Variants in MRPS14 observed in about 807,000 individuals in gnomAD.
MRPS14 encodes mitochondrial ribosomal protein S14.
Under a neutral mutation model 16.4 loss-of-function variants are expected in MRPS14, and 14 were observed. The ratio of observed to expected loss-of-function variants is 0.85; its 90% CI spans 0.56 to 1.33. The LOEUF is 1.33. Ranked by LOEUF, MRPS14 falls within the 40% of genes most tolerant of loss-of-function variation. MRPS14 has a pLI of 0.00. For missense variants in MRPS14, 162 were observed against 176.8 expected (o/e 0.92, Z 0.48); for synonymous variants, 54 against 61.9 (o/e 0.87, Z 0.60).
In MRPS14 at chr1:175,019,374, C is replaced by T. The variant is rs564067644; in HGVS notation, c.46-798G>A. On this transcript the variant is annotated intron_variant, in intron 1 of 2. Coordinates refer to ENST00000476371, the MANE Select transcript of MRPS14 (RefSeq NM_022100.3). ...TTGGCTCACTGCAACCTATACCTCC[C>T]GGGTTCAAGCAATTCTCATGCCTCA... is the stretch of plus-strand genomic sequence containing the variant. Among the ~76,000 whole-genome samples the T allele has an allele frequency of 5.3e-5, 8 of 152,216 alleles. No individual in the cohort carries two copies. In the East Asian group the frequency reaches 1.4e-3, roughly 26 times the overall value.
At chr1:175,014,935 T>TTTA in intron 2 of MRPS14, 84 bp from the exon 3 acceptor site, 1 of 933,114 alleles carries the variant, frequency 1.1e-6, no homozygotes, top group Non-Finnish European at 1.5e-6. Flanking sequence ...GTAATTTTCT[T>TTTA]TTCTTTTTTT....
At chr1:175,015,123 A>G (rs533126075) in intron 2 of MRPS14, among the ~76,000 whole-genome samples, 4 of 151,752 alleles carry the variant, frequency 2.6e-5, no homozygotes, top group African/African-American at 9.7e-5. Context: ...AATTTTTTGT[A>G]TTATTAGTAG....
rs988877906 is a variant in MRPS14, at chr1:175,013,061, T to G, written c.*1608A>C. The stretch of plus-strand genomic sequence containing the variant: ...AGTATAAACTACTTGCAAGTAACTT[T>G]AGAACACAAGTGTTTGCCCATTGGT... On this transcript the variant is annotated 3_prime_UTR_variant, in exon 3 of 3. Coordinates refer to ENST00000476371, the MANE Select transcript of MRPS14 (RefSeq NM_022100.3). The G allele has an allele frequency of 1.3e-5, 2 of 152,268 alleles. No individual in the cohort carries two copies. Among genetic ancestry groups the G allele is most frequent in the African/African-American group, 2.4e-5 (1 of 41,472 alleles). 9.4% of individuals were successfully genotyped at this position (152,268 alleles called of 1,614,324 possible).
chr1:175,013,431 G>A lies in MRPS14; in HGVS notation c.*1238C>T, dbSNP rs931760673. ...CCCAGAGAACCATCTTTACCTCTTA[G>A]ATATAATCAGTCTTGTAAGTCTTGC... is the stretch of plus-strand genomic sequence containing the variant. On this transcript the variant is annotated 3_prime_UTR_variant, in exon 3 of 3. Transcript: ENST00000476371. The A allele has an allele frequency of 6.6e-6, 1 of 152,276 alleles. No homozygotes were observed. Among genetic ancestry groups the A allele is most frequent in the Admixed American group, 6.5e-5 (1 of 15,282 alleles). 9.4% of individuals were successfully genotyped at this position (152,276 alleles called of 1,614,324 possible). A position where few individuals can be genotyped will look rare whatever the true frequency, so the allele number is the denominator to read the frequency against.
chr1:175,017,103 G>A (rs531142682), intron 2 of MRPS14, among the ~76,000 whole-genome samples: 1 of 151,948 alleles, frequency 6.6e-6, no homozygotes, highest in South Asian at 2.1e-4. Context: ...CACCTAGGCT[G>A]GAGCGTACTG....
chr1:175,022,418 G>A (rs1672994061), intron 1 of MRPS14: 1 of 148,786 alleles, frequency 6.7e-6, no homozygotes, highest in African/African-American at 2.5e-5. Context: ...CAAACTTCAT[G>A]CACAAGACCC....
chr1:175,019,233 G>A (rs994560937), intron 1 of MRPS14, among the ~76,000 whole-genome samples: 6 of 152,070 alleles, frequency 3.9e-5, no homozygotes, highest in African/African-American at 1.2e-4. Context: ...TAATGTCTTG[G>A]AAATCATTTC....
intron 1 of MRPS14, among the ~76,000 whole-genome samples, chr1:175,020,930 T>C (rs1217649734): frequency 1.3e-5 from 2 of 152,162 alleles, no homozygotes; most frequent in African/African-American, 4.8e-5. Flanking sequence ...CTCACCCCTC[T>C]TCAGCTCCTA....
rs138126459 is a variant in MRPS14 at position 175,019,619 on chromosome 1, C to T, written c.46-1043G>A. Among the ~76,000 whole-genome samples, 1,408 of 152,214 alleles carry T rather than the reference C, an allele frequency of 9.3e-3. 8 individuals are homozygous for T. The highest frequency in any genetic ancestry group is 0.034 in the Middle Eastern group (10 of 294). ...TGAGGATAGATTATTGGGAGCAAAA[C>T]TGCTAGGTCAAAGGGTACTTTAAAA... On this transcript the variant is annotated intron_variant, in intron 1 of 2. Transcript: ENST00000476371.
chr1:175,020,442 G>A (rs1169751555), intron 1 of MRPS14, among the ~76,000 whole-genome samples: 2 of 152,128 alleles, frequency 1.3e-5, no homozygotes, highest in African/African-American at 2.4e-5. Flanking sequence ...ACTTCTATTA[G>A]TTTTTAAAAA....
chr1:175,017,835 T>C (rs1305522236), intron 2 of MRPS14, among the ~76,000 whole-genome samples: 3 of 152,036 alleles, frequency 2.0e-5, no homozygotes, highest in African/African-American at 7.2e-5. Flanking sequence ...AGTTAAAAGA[T>C]TGGGATGCGG....
intron 2 of MRPS14, 71 bp downstream of exon 2, chr1:175,018,347 C>T: frequency 7.4e-7 from 1 of 1,348,488 alleles, no homozygotes; most frequent in Non-Finnish European, 1.0e-6. Context: ...TCACAACAAA[C>T]AGTATCAAAA....
In MRPS14 at chr1:175,013,997, T is replaced by C. The variant is rs1438692021; in HGVS notation, c.*672A>G. The C allele has an allele frequency of 6.6e-6, 1 of 152,266 alleles. No homozygotes were observed. Among genetic ancestry groups the C allele is most frequent in the Non-Finnish European group, 1.5e-5 (1 of 68,056 alleles). 9.4% of individuals were successfully genotyped at this position (152,266 alleles called of 1,614,324 possible). A position where few individuals can be genotyped will look rare whatever the true frequency, so the allele number is the denominator to read the frequency against. ...TTTGTGCTACCCTTACTCATTTCTG[T>C]TATGGATTAAATAAACATAAAAATA... On this transcript the variant is annotated 3_prime_UTR_variant, in exon 3 of 3. Transcript: ENST00000476371.
In MRPS14 at chr1:175,018,464, C is replaced by T. The variant is rs199698673; in HGVS notation, c.158G>A (p.Arg53His). The part of the protein sequence containing the change: ...MAYEYADERL[R>H]INSLRKNTIL... ...GGTATTCTTCCTGAGTGAATTAATA[C>T]GTAGCCTCTCATCTGCGTATTCATA... The change falls in exon 2 of 3, where the codon CGT (arginine) becomes CAT (histidine). Residue 53 changes from arginine (R) to histidine (H), a missense_variant. By Grantham distance (29) the Arg-to-His change is conservative. Coordinates refer to ENST00000476371, the MANE Select transcript of MRPS14 (RefSeq NM_022100.3). 23 of 1,611,186 alleles carry T rather than the reference C, an allele frequency of 1.4e-5. No individual in the cohort carries two copies. Among genetic ancestry groups the T allele is most frequent in the Admixed American group, 6.8e-5 (4 of 58,954 alleles).
rs1005962675 is a variant in MRPS14, at chr1:175,013,706, T to A, written c.*963A>T. On this transcript the variant is annotated 3_prime_UTR_variant, in exon 3 of 3. Transcript: ENST00000476371. ...GTCAGTCTTAATTCCTTCACATGAT[T>A]TGTGAGATCCTCCACAATACGGGCC... is the stretch of plus-strand genomic sequence containing the variant. The A allele has an allele frequency of 6.6e-6, 1 of 152,206 alleles. No individual in the cohort carries two copies. Among genetic ancestry groups the A allele is most frequent in the African/African-American group, 2.4e-5 (1 of 41,444 alleles). 9.4% of individuals were successfully genotyped at this position (152,206 alleles called of 1,614,324 possible).
At chr1:175,014,890 T>A in intron 2 of MRPS14, 39 bp from the exon 3 acceptor site, 2 of 1,572,370 alleles carry the variant, frequency 1.3e-6, no homozygotes, top group Non-Finnish European at 1.7e-6. Flanking sequence ...CACATTACAT[T>A]GTTGCACATG....
chr1:175,015,728 C>T (rs1447946750), intron 2 of MRPS14, among the ~76,000 whole-genome samples: 2 of 152,118 alleles, frequency 1.3e-5, no homozygotes, highest in Non-Finnish European at 2.9e-5. Flanking sequence ...TGTGAGTGTT[C>T]ATAATATTCA....
chr1:175,023,051 C>T (rs960916532), intron 1 of MRPS14, among the ~76,000 whole-genome samples: 11 of 152,200 alleles, frequency 7.2e-5, no homozygotes, highest in African/African-American at 2.4e-5. Flanking sequence ...CTCCCTTGCA[C>T]GGTTCTCATC....
Position 175,013,397 on chromosome 1 carries a change from T to A in MRPS14, c.*1272A>T, listed in dbSNP as rs1672817242. On this transcript the variant is annotated 3_prime_UTR_variant, in exon 3 of 3. Transcript: ENST00000476371. ...CCTCTACCATCTATCTAGACACTTT[T>A]ATCAGGAACCCAGAGAACCATCTTT... 3 of 152,204 alleles carry A rather than the reference T, an allele frequency of 2.0e-5. No individual in the cohort carries two copies. Among genetic ancestry groups the A allele is most frequent in the Admixed American group, 2.0e-4 (3 of 15,286 alleles). 9.4% of individuals were successfully genotyped at this position (152,204 alleles called of 1,614,324 possible).
Sources: gnomAD v4.1 joint callset for allele counts (sites outside exome capture counted in the v4.1 genomes callset) on GRCh38, gnomAD v4.1.1 for gene constraint, MANE v1.5 for transcripts, NCBI Gene and HGNC (gene_info 2026-07-23, HGNC 2026-07-21) for gene names.